The following BPTF variants were observed in gnomAD, a reference collection of about 807,000 sequenced individuals.
The protein encoded by BPTF is nucleosome-remodeling factor subunit BPTF.
A neutral mutation model predicts 292.5 loss-of-function variants in BPTF; 18 were observed. The observed-to-expected ratio is 0.06, with a 90% CI of 0.04 to 0.09. The LOEUF (loss-of-function observed/expected upper bound fraction) is 0.09, where lower values mean the gene tolerates loss of function less well. Among genes scored for constraint, BPTF ranks in the 10% least tolerant of loss-of-function variants. BPTF has a pLI of 1.00. For missense variants in BPTF, 2,726 were observed against 3,498.7 expected (o/e 0.78, Z 5.57); for synonymous variants, 1,225 against 1,251.9 (o/e 0.98, Z 0.45).
chr17:67,840,806 G>A lies in BPTF; in HGVS notation c.614-13134G>A, dbSNP rs1202913465. Among the ~76,000 whole-genome samples, 8 of 151,410 alleles carry A rather than the reference G, an allele frequency of 5.3e-5. No homozygotes were observed. The East Asian group carries it at 6.0e-4, about 11-fold the overall frequency. On this transcript the variant is annotated intron_variant, in intron 1 of 27. Coordinates refer to ENST00000306378, the MANE Select transcript of BPTF (RefSeq NM_182641.4). The stretch of plus-strand genomic sequence containing the variant: ...TTGAACTCCTGAGCTCAAGCAATCC[G>A]CCTGTCTCGGCCTCCCAAAGTGCTG...
At chr17:67,874,079 T>C (rs1239022092) in intron 3 of BPTF, among the ~76,000 whole-genome samples, 2 of 152,130 alleles carry the variant, frequency 1.3e-5, no homozygotes, top group Non-Finnish European at 2.9e-5. Context: ...TGGCCAAAGC[T>C]GAAACAATTT....
intron 13 of BPTF, among the ~76,000 whole-genome samples, chr17:67,921,381 C>T (rs576976154): frequency 6.6e-6 from 1 of 151,538 alleles, no homozygotes; most frequent in African/African-American, 2.4e-5. Context: ...AAAAAATTAG[C>T]CAGGTGTGGT....
In BPTF at chr17:67,913,301, A is replaced by G. The variant is rs150320838; in HGVS notation, c.5303+114A>G. 72 of 1,427,538 alleles carry G rather than the reference A, an allele frequency of 5.0e-5. No homozygotes were observed. In the East Asian group the frequency reaches 1.7e-3, roughly 33 times the overall value. The allele number at this position is 1,427,538 out of a possible 1,614,324, so 88.4% of individuals were successfully genotyped here. On this transcript the variant is annotated intron_variant, in intron 11 of 27. Coordinates refer to ENST00000306378, the MANE Select transcript of BPTF (RefSeq NM_182641.4). Reference sequence around the variant, plus strand: ...ATAGAGATAAGACAGGAAACATATTAATGGCCAAAGATAGTAATGGAAACA... The same window carrying G: ...ATAGAGATAAGACAGGAAACATATTGATGGCCAAAGATAGTAATGGAAACA...
In BPTF at chr17:67,826,255, G is replaced by A. The variant is rs1166030426; in HGVS notation, c.531G>A (p.Glu177=). Residue 177 remains glutamate (E), a synonymous_variant, in exon 1 of 28, where the codon GAG becomes GAA. Coordinates refer to ENST00000306378, the MANE Select transcript of BPTF (RefSeq NM_182641.4). The part of the protein sequence containing the change: ...EEDDDDSDYP[E]EMEDDDDDAS... The stretch of plus-strand genomic sequence containing the variant: ...ACGACGATGACTCCGATTATCCGGA[G>A]GAGATGGAAGACGACGACGACGACG... 1 of 1,613,594 alleles carries A rather than the reference G, an allele frequency of 6.2e-7. No individual in the cohort carries two copies. Among genetic ancestry groups the A allele is most frequent in the Non-Finnish European group, 8.5e-7 (1 of 1,179,790 alleles).
chr17:67,841,141 C>A (rs972793528), intron 1 of BPTF, among the ~76,000 whole-genome samples: 2 of 152,108 alleles, frequency 1.3e-5, no homozygotes, highest in African/African-American at 4.8e-5. Context: ...GGCATGGTGG[C>A]TCATGCCTGT....
intron 25 of BPTF, among the ~76,000 whole-genome samples, chr17:67,964,851 T>C (rs577300309): frequency 8.0e-5 from 12 of 149,982 alleles, no homozygotes; most frequent in Non-Finnish European, 1.6e-4. Flanking sequence ...TACAAAAAAT[T>C]AGCTGGGCGT....
chr17:67,924,993 C>G (rs2147310287), intron 15 of BPTF, among the ~76,000 whole-genome samples: 1 of 151,676 alleles, frequency 6.6e-6, no homozygotes. Flanking sequence ...AAGCGATCCA[C>G]CTGCCTCAGC....
At chr17:67,961,760 G>A (rs1419539818) in intron 24 of BPTF, among the ~76,000 whole-genome samples, 1 of 152,036 alleles carries the variant, frequency 6.6e-6, no homozygotes, top group Admixed American at 6.6e-5. Context: ...GATCACCTGA[G>A]GTCAGGAGTT....
rs1382530849 is a variant in BPTF at position 67,864,472 on chromosome 17, G to T, written c.1437-1992G>T. Among the ~76,000 whole-genome samples, 2 of 147,594 alleles carry T rather than the reference G, an allele frequency of 1.4e-5. 1 individual carries two copies. Among genetic ancestry groups the T allele is most frequent in the East Asian group, 4.0e-4 (2 of 5,034 alleles). On this transcript the variant is annotated intron_variant, in intron 2 of 27. Coordinates refer to ENST00000306378, the MANE Select transcript of BPTF (RefSeq NM_182641.4). ...GAACCCAGGAGGCAGAGGTTGCAGTGAGCCAAGATTGCGCCACTGCACTCC... is the reference window on the plus strand; with the variant it reads ...GAACCCAGGAGGCAGAGGTTGCAGTTAGCCAAGATTGCGCCACTGCACTCC...
chr17:67,873,067 T>TGAG (rs1326962835), intron 3 of BPTF, among the ~76,000 whole-genome samples: 2 of 151,962 alleles, frequency 1.3e-5, no homozygotes, highest in Non-Finnish European at 2.9e-5. Context: ...TGAGCAAGAG[T>TGAG]GAGACTCTGT....
At chr17:67,835,203 C>A (rs1009734678) in intron 1 of BPTF, among the ~76,000 whole-genome samples, 1 of 147,350 alleles carries the variant, frequency 6.8e-6, no homozygotes, top group Non-Finnish European at 1.5e-5. Flanking sequence ...AGAGTGAGAA[C>A]CCATCTCTTA....
chr17:67,970,413 A>T (rs1345773414), intron 26 of BPTF, among the ~76,000 whole-genome samples: 1 of 152,082 alleles, frequency 6.6e-6, no homozygotes, highest in Non-Finnish European at 1.5e-5. Context: ...GTAATAATAA[A>T]ATACATATAT....
chr17:67,951,821 C>G (rs2066388812), intron 23 of BPTF: 1 of 151,998 alleles, frequency 6.6e-6, no homozygotes, highest in African/African-American at 2.4e-5. Context: ...CTTGGGAGGC[C>G]AAGGCAGGTA....
Position 67,946,273 on chromosome 17 carries a change from AG to A in BPTF, c.7566del (p.Lys2522AsnfsTer20). On this transcript the variant is annotated frameshift_variant, in exon 21 of 28. Transcript: ENST00000306378. LOFTEE classifies it high-confidence loss of function. ...QKKKQQQIEI[K>X]REHTLQASNQ... The stretch of plus-strand genomic sequence containing the variant: ...AAGAAACAGCAACAGATAGAAATTA[AG>A]CGTGAACACACCCTCCAAGCTTCTA... 6.2e-7 allele frequency: 1 copy of A among 1,614,200 alleles called. No homozygotes were observed. Among genetic ancestry groups the A allele is most frequent in the Non-Finnish European group, 8.5e-7 (1 of 1,180,046 alleles).
Position 67,883,091 on chromosome 17 carries a change from G to A in BPTF, c.1864+8071G>A, listed in dbSNP as rs573930031. 3.9e-5 allele frequency among the ~76,000 whole-genome samples: 6 copies of A among 151,990 alleles called. No individual in the cohort carries two copies. The East Asian group carries it at 1.2e-3, about 29-fold the overall frequency. ...AGCGCTTTGGGAGGCCCAGGTGGGC[G>A]GATCACAGATCAGGAGTTCGAGACC... On this transcript the variant is annotated intron_variant, in intron 4 of 27. Transcript: ENST00000306378.
At chr17:67,970,618 A>G (rs1733133282) in intron 26 of BPTF, among the ~76,000 whole-genome samples, 1 of 152,230 alleles carries the variant, frequency 6.6e-6, no homozygotes, top group Non-Finnish European at 1.5e-5. Flanking sequence ...TGTCTGGAAC[A>G]ATATAGACTA....
chr17:67,924,599 CAGA>C lies in BPTF; in HGVS notation c.5751+16_5751+18del. Reference sequence around the variant, plus strand: ...TGAGCAACAGGCTAAGGTTAGTGAACAGAAGAAGGCAGAGGACATCAAGGCCCA... The same window carrying C: ...TGAGCAACAGGCTAAGGTTAGTGAACAGAAGGCAGAGGACATCAAGGCCCA... On this transcript the variant is annotated intron_variant, in intron 15 of 27. Transcript: ENST00000306378. The C allele has an allele frequency of 3.7e-6, 6 of 1,612,958 alleles. No homozygotes were observed. Among genetic ancestry groups the C allele is most frequent in the Non-Finnish European group, 5.1e-6 (6 of 1,179,722 alleles).
At chr17:67,838,140 C>T (rs2057276117) in intron 1 of BPTF, among the ~76,000 whole-genome samples, 1 of 152,198 alleles carries the variant, frequency 6.6e-6, no homozygotes, top group Non-Finnish European at 1.5e-5. Flanking sequence ...TCAGCTCTGC[C>T]CTCATAGCAG....
chr17:67,911,130 C>T lies in BPTF; in HGVS notation c.3246C>T (p.Ile1082=). ...TLEEKQRLEK[I]KLEGGIKGIG... ...AAGAAAAACAGCGACTCGAAAAAATCAAGTTGGAGGGTGGAATTAAGGGTA... is the reference window on the plus strand; with the variant it reads ...AAGAAAAACAGCGACTCGAAAAAATTAAGTTGGAGGGTGGAATTAAGGGTA... Residue 1082 remains isoleucine, a synonymous_variant, in exon 11 of 28, where the codon ATC becomes ATT. Transcript: ENST00000306378. 6.2e-7 allele frequency: 1 copy of T among 1,613,942 alleles called. No homozygotes were observed. Among genetic ancestry groups the T allele is most frequent in the Non-Finnish European group, 8.5e-7 (1 of 1,179,990 alleles).
Sources: allele counts gnomAD v4.1 joint callset (sites outside exome capture counted in the v4.1 genomes callset), GRCh38; gene constraint gnomAD v4.1.1; transcripts MANE v1.5; gene names NCBI Gene and HGNC (gene_info 2026-07-23, HGNC 2026-07-21).